The following PDSS2 variants were observed in gnomAD, a reference collection of about 807,000 sequenced individuals.
PDSS2 encodes all trans-polyprenyl-diphosphate synthase PDSS2.
Under a neutral mutation model 44.5 loss-of-function variants are expected in PDSS2, and 31 were observed. The observed-to-expected ratio is 0.70, with a 90% confidence interval of 0.52 to 0.94. The LOEUF is 0.94. PDSS2 is among the 40% of genes least tolerant of loss of function. PDSS2 has a pLI of 0.00. For synonymous variants in PDSS2, 157 were observed against 180.3 expected (o/e 0.87, Z 1.03); for missense variants, 452 against 482.2 (o/e 0.94, Z 0.59).
chr6:107,178,167 AAC>A (rs1297300022), intron 7 of PDSS2, among the ~76,000 whole-genome samples: 1 of 152,210 alleles, frequency 6.6e-6, no homozygotes, highest in Admixed American at 6.6e-5. Context: ...ATGAGTTTAA[AAC>A]ACATTTATAA....
At chr6:107,373,766 G>A (rs533445470) in intron 1 of PDSS2, among the ~76,000 whole-genome samples, 49 of 152,154 alleles carry the variant, frequency 3.2e-4, no homozygotes, top group South Asian at 6.2e-4. Context: ...CAGAAGCTAC[G>A]GTTCTGGCAA....
intron 3 of PDSS2, among the ~76,000 whole-genome samples, chr6:107,260,983 T>C (rs944011861): frequency 2.6e-5 from 4 of 152,080 alleles, no homozygotes; most frequent in African/African-American, 9.7e-5. Context: ...TTCATGGACA[T>C]TTGCTAGATC....
intron 1 of PDSS2, among the ~76,000 whole-genome samples, chr6:107,438,043 T>G (rs1781408319): frequency 6.6e-6 from 1 of 152,052 alleles, no homozygotes; most frequent in Non-Finnish European, 1.5e-5. Context: ...GTGGTAGTAG[T>G]TAACTGACAG....
chr6:107,185,007 G>A (rs1305318014), intron 7 of PDSS2, among the ~76,000 whole-genome samples: 1 of 151,554 alleles, frequency 6.6e-6, no homozygotes, highest in African/African-American at 2.4e-5. Context: ...TGCAGAGACA[G>A]TGCACCTGTA....
intron 1 of PDSS2, among the ~76,000 whole-genome samples, chr6:107,362,369 C>T (rs531289017): frequency 6.6e-6 from 1 of 152,152 alleles, no homozygotes; most frequent in Non-Finnish European, 1.5e-5. Flanking sequence ...GGTGTTTCAG[C>T]GTAACTTCTG....
chr6:107,376,048 G>A lies in PDSS2; in HGVS notation c.297-41716C>T, dbSNP rs140521856. On this transcript the variant is annotated intron_variant, in intron 1 of 7. Transcript: ENST00000369037. The stretch of plus-strand genomic sequence containing the variant: ...TTTCCCCATTGCTTGTTTTTCTCAG[G>A]TCTGTCAAAGATCAGATAGTTGTAG... Among the ~76,000 whole-genome samples the A allele has an allele frequency of 5.7e-3, 861 of 152,252 alleles. 9 individuals are homozygous for A. Among genetic ancestry groups the A allele is most frequent in the African/African-American group, 0.019 (804 of 41,530 alleles).
chr6:107,397,651 G>C (rs895154886), intron 1 of PDSS2, among the ~76,000 whole-genome samples: 1 of 152,134 alleles, frequency 6.6e-6, no homozygotes, highest in Admixed American at 6.5e-5. Context: ...ACAATGAATA[G>C]ACAAATTATG....
At chr6:107,213,263 G>A (rs1305767289) in intron 4 of PDSS2, among the ~76,000 whole-genome samples, 1 of 151,090 alleles carries the variant, frequency 6.6e-6, no homozygotes. Flanking sequence ...TGCCAGCCTT[G>A]ACCTCCCAAA....
intron 2 of PDSS2, 124 bp from the exon 3 acceptor site, chr6:107,274,351 T>C: frequency 5.3e-6 from 4 of 752,414 alleles, no homozygotes; most frequent in Non-Finnish European, 9.3e-6. Context: ...TTGGATTATA[T>C]CTTTCTAATG....
intron 1 of PDSS2, among the ~76,000 whole-genome samples, chr6:107,378,570 G>A (rs1292890260): frequency 1.3e-5 from 2 of 152,148 alleles, no homozygotes; most frequent in African/African-American, 4.8e-5. Context: ...TGGATCACCT[G>A]AGGTCAGGAG....
chr6:107,454,047 C>CTTT lies in PDSS2; in HGVS notation c.296+4940_296+4942dup, dbSNP rs34161602. 3.0e-5 allele frequency among the ~76,000 whole-genome samples: 4 copies of CTTT among 131,582 alleles called. No homozygotes were observed. The East Asian group carries it at 6.5e-4, about 21-fold the overall frequency. The allele number at this position is 131,582 out of a possible 152,430, so 86.3% of individuals were successfully genotyped here. A position where few individuals can be genotyped will look rare whatever the true frequency, so the allele number is the denominator to read the frequency against. On this transcript the variant is annotated intron_variant, in intron 1 of 7. Transcript: ENST00000369037. ...GGGACAGGGTCCATGTTTCAGACTTCTTTTTTTTTTTTTTTTTTGAGACAA... is the reference window on the plus strand; with the variant it reads ...GGGACAGGGTCCATGTTTCAGACTTCTTTTTTTTTTTTTTTTTTTTTGAGACAA...
chr6:107,423,870 C>T (rs981286109), intron 1 of PDSS2, among the ~76,000 whole-genome samples: 2 of 152,050 alleles, frequency 1.3e-5, no homozygotes, highest in Non-Finnish European at 2.9e-5. Flanking sequence ...TTCCTATTTT[C>T]CATCTATACA....
At chr6:107,267,896 A>G (rs1775463785) in intron 3 of PDSS2, among the ~76,000 whole-genome samples, 1 of 152,010 alleles carries the variant, frequency 6.6e-6, no homozygotes, top group Admixed American at 6.5e-5. Context: ...CCTGACCAAG[A>G]TTCTCTAATA....
At chr6:107,239,587 TG>T (rs1774345443) in intron 4 of PDSS2, among the ~76,000 whole-genome samples, 1 of 151,686 alleles carries the variant, frequency 6.6e-6, no homozygotes, top group African/African-American at 2.4e-5. Flanking sequence ...ATTTTCCTCT[TG>T]ACCTTTTTCT....
intron 7 of PDSS2, among the ~76,000 whole-genome samples, chr6:107,158,997 G>A (rs140835017): frequency 8.1e-4 from 124 of 152,270 alleles, no homozygotes; most frequent in African/African-American, 2.9e-3. Context: ...CCAAAGTGCT[G>A]AGATTACAGG....
At chr6:107,349,508 G>A (rs1467110102) in intron 1 of PDSS2, among the ~76,000 whole-genome samples, 2 of 151,970 alleles carry the variant, frequency 1.3e-5, no homozygotes, top group East Asian at 3.9e-4. Flanking sequence ...CAGCACTTTG[G>A]GAGGCCGAGG....
intron 3 of PDSS2, among the ~76,000 whole-genome samples, chr6:107,272,678 A>G (rs1165560290): frequency 1.3e-5 from 2 of 152,180 alleles, no homozygotes; most frequent in Non-Finnish European, 2.9e-5. Flanking sequence ...GATTGGCAAT[A>G]TGTATCAAGA....
intron 7 of PDSS2, among the ~76,000 whole-genome samples, chr6:107,178,816 T>C (rs1449902989): frequency 6.6e-6 from 1 of 151,908 alleles, no homozygotes; most frequent in African/African-American, 2.4e-5. Context: ...AGGACAGGAG[T>C]TCGAGGCCAG....
chr6:107,258,209 T>C (rs1355058436), intron 3 of PDSS2, among the ~76,000 whole-genome samples: 2 of 152,204 alleles, frequency 1.3e-5, no homozygotes, highest in Non-Finnish European at 2.9e-5. Flanking sequence ...ATTGCTGAAA[T>C]ATGCACAAAA....
Sources: allele counts gnomAD v4.1 joint callset (sites outside exome capture counted in the v4.1 genomes callset), GRCh38; gene constraint gnomAD v4.1.1; transcripts MANE v1.5; gene names NCBI Gene and HGNC (gene_info 2026-07-23, HGNC 2026-07-21).